The following TRRAP variants were observed in gnomAD, a reference collection of about 807,000 sequenced individuals.
TRRAP encodes the protein transformation/transcription domain-associated protein.
TRRAP carries 41 observed loss-of-function variants against 438.8 expected under a neutral mutation model. The ratio of observed to expected loss-of-function variants is 0.09; its 90% CI spans 0.07 to 0.12. TRRAP has a LOEUF of 0.12. Ranked by LOEUF, TRRAP falls within the 10% of genes least tolerant of loss-of-function variation. The pLI, the probability that TRRAP is intolerant of heterozygous loss-of-function variation, is 1.00. For synonymous variants in TRRAP, 1,994 were observed against 1,962.9 expected (o/e 1.02, Z -0.42); for missense variants, 3,122 against 5,055.1 (o/e 0.62, Z 11.60).
At chr7:98,926,034 C>T (rs1790033302) in intron 22 of TRRAP, among the ~76,000 whole-genome samples, 1 of 152,078 alleles carries the variant, frequency 6.6e-6, no homozygotes, top group South Asian at 2.1e-4. Context: ...TGGAAAATAC[C>T]TCCAAGAAAC....
intron 53 of TRRAP, among the ~76,000 whole-genome samples, chr7:98,974,116 A>G (rs1349101211): frequency 2.0e-5 from 3 of 152,178 alleles, no homozygotes; most frequent in Non-Finnish European, 4.4e-5. Flanking sequence ...TAATGAACAG[A>G]AAGAAGTGCT....
chr7:98,906,842 C>T (rs1554407600), intron 13 of TRRAP, among the ~76,000 whole-genome samples: 6 of 151,966 alleles, frequency 3.9e-5, no homozygotes. Flanking sequence ...CTTTATCTGA[C>T]TTTATTATTG....
At chr7:98,996,991 T>A (rs1793691709) in intron 67 of TRRAP, among the ~76,000 whole-genome samples, 1 of 151,954 alleles carries the variant, frequency 6.6e-6, no homozygotes, top group South Asian at 2.1e-4. Context: ...TCCTCAATTT[T>A]CAATGACAAA....
At chr7:98,882,367 T>C (rs1170918601) in intron 3 of TRRAP, among the ~76,000 whole-genome samples, 6 of 150,554 alleles carry the variant, frequency 4.0e-5, no homozygotes, top group Non-Finnish European at 7.4e-5. Flanking sequence ...TTCTTTCTTT[T>C]TTTTTTTTTT....
Position 98,984,293 on chromosome 7 carries a change from A to G in TRRAP, c.9223A>G (p.Ile3075Val). The change falls in exon 61 of 73, where the codon ATT becomes GTT. Residue 3075 changes from isoleucine to valine, a missense_variant. By Grantham distance (29) the Ile-to-Val change is conservative. Coordinates refer to ENST00000456197, the MANE Select transcript of TRRAP (RefSeq NM_001375524.1). The part of the protein sequence containing the change: ...TVPIVDCFQK[I>V]RQQVKCYLQL... ...TCCTATCGTGGATTGCTTCCAGAAG[A>G]TTCGACAGCAAGTTAAATGCTACCT... 6.2e-7 allele frequency: 1 copy of G among 1,608,616 alleles called. No homozygotes were observed. Among genetic ancestry groups the G allele is most frequent in the Non-Finnish European group, 8.5e-7 (1 of 1,176,920 alleles).
chr7:98,879,039 A>G (rs1378413832), intron 1 of TRRAP, among the ~76,000 whole-genome samples: 2 of 151,076 alleles, frequency 1.3e-5, no homozygotes, highest in Admixed American at 6.6e-5. Flanking sequence ...CCGGGCCTCT[A>G]CGCCGGCACT....
intron 67 of TRRAP, chr7:98,999,392 C>T: frequency 2.3e-6 from 3 of 1,295,348 alleles, no homozygotes; most frequent in East Asian, 2.3e-5. Flanking sequence ...CCACAATTTC[C>T]TCTTGATCTA....
intron 3 of TRRAP, among the ~76,000 whole-genome samples, chr7:98,889,993 T>A (rs1795894758): frequency 6.6e-6 from 1 of 152,178 alleles, no homozygotes; most frequent in Non-Finnish European, 1.5e-5. Flanking sequence ...CTCTTTGTTT[T>A]CCAGATCAAG....
At position 98,897,723 on chromosome 7, in the gene TRRAP, T is replaced by A. The variant is rs781900429; in HGVS notation, c.508-18T>A. ...GGGTTTGACTTTAGGAAAAAATATT[T>A]TTATGACTTTTATGTAGAACCGCTA... is the stretch of plus-strand genomic sequence containing the variant. On this transcript the variant is annotated intron_variant, in intron 7 of 72. Coordinates refer to ENST00000456197, the MANE Select transcript of TRRAP (RefSeq NM_001375524.1). 3 of 1,602,312 alleles carry A rather than the reference T, an allele frequency of 1.9e-6. No individual in the cohort carries two copies. In the South Asian group the frequency reaches 3.3e-5, roughly 18 times the overall value.
At chr7:98,951,375 A>G (rs1791331187) in intron 39 of TRRAP, among the ~76,000 whole-genome samples, 1 of 152,184 alleles carries the variant, frequency 6.6e-6, no homozygotes, top group African/African-American at 2.4e-5. Context: ...AGACTCTCCT[A>G]ACAGCCAGTG....
intron 1 of TRRAP, among the ~76,000 whole-genome samples, chr7:98,880,294 T>G (rs1319405427): frequency 1.1e-4 from 15 of 142,106 alleles, no homozygotes; most frequent in African/African-American, 3.6e-4. Flanking sequence ...GACTGAACCT[T>G]GCTCTATTGC....
In TRRAP at chr7:98,965,733, G is replaced by A. The variant is rs1792124045; in HGVS notation, c.7014G>A (p.Val2338=). 6.2e-7 allele frequency: 1 copy of A among 1,614,030 alleles called. No homozygotes were observed. Among genetic ancestry groups the A allele is most frequent in the African/African-American group, 1.3e-5 (1 of 74,918 alleles). Residue 2338 remains valine (V), a synonymous_variant, in exon 49 of 73, where the codon GTG becomes GTA. Transcript: ENST00000456197. Reference sequence around the variant, plus strand: ...TGGTGATGCTGAGTCTGGAGCTGGTGAAGACGCGCCTGGCAGTGATGAGCA... The same window carrying A: ...TGGTGATGCTGAGTCTGGAGCTGGTAAAGACGCGCCTGGCAGTGATGAGCA... ...SELVMLSLEL[V]KTRLAVMSME...
rs774383223 is a variant in TRRAP at position 98,983,313 on chromosome 7, G to C, written c.8876G>C (p.Gly2959Ala). Residue 2959 changes from glycine (G) to alanine (A), a missense_variant, in exon 60 of 73, where the codon GGC (glycine) becomes GCC (alanine). Physicochemically the swap from Gly to Ala is moderately conservative, Grantham distance 60 (BLOSUM62 0). Coordinates refer to ENST00000456197, the MANE Select transcript of TRRAP (RefSeq NM_001375524.1). Reference protein sequence around the residue: ...ELQEAAQINAGLQPTNLGRNN... With the variant: ...ELQEAAQINAALQPTNLGRNN... ...CAGGAAGCTGCACAAATCAACGCAG[G>C]CTTACAGCCAACCAACCTGGGAAGG... is the stretch of plus-strand genomic sequence containing the variant. The C allele has an allele frequency of 1.9e-6, 3 of 1,614,006 alleles. No homozygotes were observed. Among genetic ancestry groups the C allele is most frequent in the Non-Finnish European group, 2.5e-6 (3 of 1,180,018 alleles).
At chr7:98,930,318 T>C (rs2116510245) in intron 24 of TRRAP, 112 bp downstream of exon 24, 1 of 1,331,046 alleles carries the variant, frequency 7.5e-7, no homozygotes, top group Non-Finnish European at 1.0e-6. Flanking sequence ...GGCTCACGCC[T>C]GTAATCCCAG....
At chr7:98,970,951 G>A (rs867378098) in intron 52 of TRRAP, among the ~76,000 whole-genome samples, 16 of 152,038 alleles carry the variant, frequency 1.1e-4, no homozygotes, top group African/African-American at 3.1e-4. Flanking sequence ...AGTGGCTGCC[G>A]CTGTTCCTGG....
In TRRAP at chr7:99,008,671, C is replaced by T. The variant is rs530974710; in HGVS notation, c.10938+110C>T. 13 of 1,181,080 alleles carry T rather than the reference C, an allele frequency of 1.1e-5. No homozygotes were observed. The South Asian group carries it at 2.0e-4, about 18-fold the overall frequency. 73.2% of individuals were successfully genotyped at this position (1,181,080 alleles called of 1,614,324 possible). A position where few individuals can be genotyped will look rare whatever the true frequency, so the allele number is the denominator to read the frequency against. On this transcript the variant is annotated intron_variant, in intron 70 of 72. Transcript: ENST00000456197. ...AGATGAACAGGCATTTGTTGGGGGCCACCTCTGTCATTTAAAGTAACTTTA... is the reference window on the plus strand; with the variant it reads ...AGATGAACAGGCATTTGTTGGGGGCTACCTCTGTCATTTAAAGTAACTTTA...
intron 1 of TRRAP, among the ~76,000 whole-genome samples, chr7:98,880,785 G>A (rs1795394754): frequency 6.6e-6 from 1 of 152,114 alleles, no homozygotes; most frequent in African/African-American, 2.4e-5. Context: ...GACAGACTGC[G>A]TGGCCACAAA....
chr7:98,892,297 G>T, intron 4 of TRRAP, 127 bp from the exon 5 acceptor site: 2 of 759,530 alleles, frequency 2.6e-6, no homozygotes, highest in Non-Finnish European at 4.3e-6. Context: ...GGTCCATTTT[G>T]TAGGATGGTG....
At chr7:98,968,539 A>G (rs562247728) in intron 51 of TRRAP, among the ~76,000 whole-genome samples, 48 of 152,348 alleles carry the variant, frequency 3.2e-4, no homozygotes, top group Non-Finnish European at 6.0e-4. Flanking sequence ...GTAAGCTTCT[A>G]GCTTGCTAGA....
Sources: allele counts gnomAD v4.1 joint callset (sites outside exome capture counted in the v4.1 genomes callset), GRCh38; gene constraint gnomAD v4.1.1; transcripts MANE v1.5; gene names NCBI Gene and HGNC (gene_info 2026-07-23, HGNC 2026-07-21).